ROR1: variants seen among roughly 807,000 people sequenced by gnomAD.
ROR1 encodes the protein inactive tyrosine-protein kinase transmembrane receptor ROR1.
Under a neutral mutation model 78.8 loss-of-function variants are expected in ROR1, and 19 were observed. That is an observed-to-expected ratio of 0.24 (90% CI 0.17 to 0.35). The LOEUF is 0.35. Among genes scored for constraint, ROR1 ranks in the 10% least tolerant of loss-of-function variants. ROR1 has a pLI of 1.00. For synonymous variants in ROR1, 386 were observed against 433.6 expected (o/e 0.89, Z 1.36); for missense variants, 917 against 1,177.8 (o/e 0.78, Z 3.24).
Position 64,007,377 on chromosome 1 carries a change from AGTGT to A in ROR1, c.92-1899_92-1896del, listed in dbSNP as rs59753220. Reference sequence around the variant, plus strand: ...CCTAATATTCTCTAGTAATGTTCTGAGTGTGTGTGTGTGTGTGTGTGTGTGTGTG... The same window carrying A: ...CCTAATATTCTCTAGTAATGTTCTGAGTGTGTGTGTGTGTGTGTGTGTGTG... On this transcript the variant is annotated intron_variant, in intron 1 of 8. Transcript: ENST00000371079. Among the ~76,000 whole-genome samples, 1,063 of 146,022 alleles carry A rather than the reference AGTGT, an allele frequency of 7.3e-3. 9 individuals are homozygous for A. The highest frequency in any genetic ancestry group is 0.025 in the African/African-American group (990 of 39,638).
chr1:64,168,368 A>C (rs1045268878), intron 8 of ROR1, among the ~76,000 whole-genome samples: 8 of 152,230 alleles, frequency 5.3e-5, no homozygotes, highest in African/African-American at 1.9e-4. Flanking sequence ...TAAGCATTCA[A>C]AAAATCATAG....
chr1:64,087,600 G>C (rs2100639841), intron 4 of ROR1, among the ~76,000 whole-genome samples: 1 of 152,334 alleles, frequency 6.6e-6, no homozygotes, highest in South Asian at 2.1e-4. Flanking sequence ...CTACACAGAA[G>C]TGTATTTATT....
chr1:63,862,420 A>C (rs1325799390), intron 1 of ROR1, among the ~76,000 whole-genome samples: 1 of 150,864 alleles, frequency 6.6e-6, no homozygotes, highest in Non-Finnish European at 1.5e-5. Context: ...AAAAAGAAAT[A>C]CATTTTGTTT....
At chr1:63,836,899 C>T (rs1368289591) in intron 1 of ROR1, among the ~76,000 whole-genome samples, 1 of 152,122 alleles carries the variant, frequency 6.6e-6, no homozygotes, top group African/African-American at 2.4e-5. Flanking sequence ...AGGCTGACAA[C>T]CACATAGAGG....
At chr1:63,806,069 C>G (rs556022797) in intron 1 of ROR1, among the ~76,000 whole-genome samples, 1 of 152,244 alleles carries the variant, frequency 6.6e-6, no homozygotes, top group East Asian at 1.9e-4. Flanking sequence ...TTTTATTGCC[C>G]TTTTGGAGAT....
chr1:64,020,233 T>C (rs1434404316), intron 2 of ROR1, among the ~76,000 whole-genome samples: 1 of 152,184 alleles, frequency 6.6e-6, no homozygotes, highest in Admixed American at 6.6e-5. Context: ...TAAGAGAGAT[T>C]TAAGCAACTT....
At chr1:63,835,405 G>A (rs1233145900) in intron 1 of ROR1, among the ~76,000 whole-genome samples, 2 of 152,192 alleles carry the variant, frequency 1.3e-5, no homozygotes, top group African/African-American at 4.8e-5. Flanking sequence ...AAGATTAGAT[G>A]ATCCTCCTTT....
intron 1 of ROR1, among the ~76,000 whole-genome samples, chr1:63,881,214 G>A (rs566352676): frequency 1.3e-5 from 2 of 152,256 alleles, no homozygotes; most frequent in Admixed American, 1.3e-4. Context: ...TAATAAATGA[G>A]TTTCTCTAGG....
At chr1:64,171,814 T>G (rs981964445) in intron 8 of ROR1, among the ~76,000 whole-genome samples, 6 of 152,210 alleles carry the variant, frequency 3.9e-5, no homozygotes, top group Admixed American at 3.9e-4. Context: ...AGTAGAGCAA[T>G]TATATGACAT....
rs536313028 is a variant in ROR1, at chr1:64,062,491, T to G, written c.482+11775T>G. On this transcript the variant is annotated intron_variant, in intron 4 of 8. Transcript: ENST00000371079. Reference sequence around the variant, plus strand: ...CATGCCTGGCTAATTTTTTGTATTTTTAGTAGAGATGGGGTTTCACCGTGT... The same window carrying G: ...CATGCCTGGCTAATTTTTTGTATTTGTAGTAGAGATGGGGTTTCACCGTGT... Among the ~76,000 whole-genome samples the G allele has an allele frequency of 2.6e-5, 4 of 152,118 alleles. No homozygotes were observed. In the East Asian group the frequency reaches 7.7e-4, roughly 29 times the overall value.
intron 1 of ROR1, among the ~76,000 whole-genome samples, chr1:63,848,150 G>A (rs1432892199): frequency 6.6e-6 from 1 of 152,172 alleles, no homozygotes; most frequent in Non-Finnish European, 1.5e-5. Context: ...TATTAATAAA[G>A]AGGTCACTTT....
intron 1 of ROR1, among the ~76,000 whole-genome samples, chr1:63,985,123 A>C (rs774557828): frequency 6.6e-6 from 1 of 152,042 alleles, no homozygotes; most frequent in Non-Finnish European, 1.5e-5. Context: ...GGGTCTCCGC[A>C]CTTTCTCCTG....
intron 4 of ROR1, among the ~76,000 whole-genome samples, chr1:64,123,872 T>C (rs1045247083): frequency 6.6e-6 from 1 of 152,178 alleles, no homozygotes; most frequent in Non-Finnish European, 1.5e-5. Context: ...ATAATTCCAC[T>C]TATTGTTTTG....
chr1:63,841,321 A>G (rs1182144788), intron 1 of ROR1, among the ~76,000 whole-genome samples: 2 of 152,222 alleles, frequency 1.3e-5, no homozygotes, highest in Non-Finnish European at 2.9e-5. Flanking sequence ...CCTTTAAGGA[A>G]GGGACTTTTG....
intron 1 of ROR1, among the ~76,000 whole-genome samples, chr1:63,895,365 G>A (rs1645431307): frequency 6.6e-6 from 1 of 152,260 alleles, no homozygotes. Flanking sequence ...ACACTGCTGG[G>A]CTTGAAACTG....
At chr1:63,795,747 A>C (rs1465752636) in intron 1 of ROR1, among the ~76,000 whole-genome samples, 1 of 152,210 alleles carries the variant, frequency 6.6e-6, no homozygotes. Context: ...AGGAACATAA[A>C]ATATCTTGCC....
chr1:63,833,459 G>C (rs747426580), intron 1 of ROR1, among the ~76,000 whole-genome samples: 30 of 152,314 alleles, frequency 2.0e-4, no homozygotes, highest in Non-Finnish European at 2.9e-4. Flanking sequence ...GGGCCATCTT[G>C]GAAGAAGGAT....
intron 1 of ROR1, among the ~76,000 whole-genome samples, chr1:63,866,629 G>A (rs1479367294): frequency 6.6e-6 from 1 of 151,112 alleles, no homozygotes; most frequent in African/African-American, 2.4e-5. Flanking sequence ...GTTTTATTTT[G>A]TTTCATTCTC....
At chr1:63,871,803 G>A (rs1645253211) in intron 1 of ROR1, among the ~76,000 whole-genome samples, 1 of 152,210 alleles carries the variant, frequency 6.6e-6, no homozygotes, top group South Asian at 2.1e-4. Context: ...CAACATGGAA[G>A]CTGGTTGGAA....
Sources: allele counts gnomAD v4.1 joint callset (sites outside exome capture counted in the v4.1 genomes callset), GRCh38; gene constraint gnomAD v4.1.1; transcripts MANE v1.5; gene names NCBI Gene and HGNC (gene_info 2026-07-23, HGNC 2026-07-21).